GPBP1: variants seen among roughly 807,000 people sequenced by gnomAD.
GPBP1 encodes the protein GC-rich promoter binding protein 1, also known as vasculin.
In GPBP1, 13 loss-of-function variants were observed where a neutral mutation model predicts 56.5. The observed-to-expected ratio is 0.23, with a 90% CI of 0.15 to 0.37. The LOEUF is 0.37. Ranked by LOEUF, GPBP1 falls within the 10% of genes least tolerant of loss-of-function variation. The probability of loss-of-function intolerance (pLI) is 1.00; values close to 1 mark genes in which losing one functional copy is unlikely to be tolerated. For synonymous variants in GPBP1, 204 were observed against 188.9 expected (o/e 1.08, Z -0.66); for missense variants, 477 against 572.3 (o/e 0.83, Z 1.70).
At chr5:57,258,628 A>G (rs771611255) in intron 10 of GPBP1, among the ~76,000 whole-genome samples, 1 of 152,150 alleles carries the variant, frequency 6.6e-6, no homozygotes, top group African/African-American at 2.4e-5. Context: ...AAAGGGAAAC[A>G]CAGATTGTTT....
intron 10 of GPBP1, 69 bp from the exon 11 acceptor site, chr5:57,261,111 C>CA (rs747578160): frequency 2.1e-6 from 2 of 958,628 alleles, no homozygotes; most frequent in Admixed American, 1.9e-5. Flanking sequence ...TTTTCTTATA[C>CA]ATAATGTAAA....
chr5:57,247,826 C>T (rs1335078510), intron 8 of GPBP1, among the ~76,000 whole-genome samples: 1 of 152,108 alleles, frequency 6.6e-6, no homozygotes, highest in African/African-American at 2.4e-5. Flanking sequence ...TCACTGGTGC[C>T]TTGACCTCCT....
chr5:57,180,748 G>T (rs913072719), intron 2 of GPBP1, among the ~76,000 whole-genome samples: 24 of 152,054 alleles, frequency 1.6e-4, no homozygotes, highest in African/African-American at 5.6e-4. Flanking sequence ...TTTTTTTGGG[G>T]TTTTTTGTTT....
At chr5:57,238,050 A>G (rs754621611) in intron 6 of GPBP1, among the ~76,000 whole-genome samples, 5 of 152,104 alleles carry the variant, frequency 3.3e-5, no homozygotes, top group Non-Finnish European at 5.9e-5. Context: ...TGTGACTTCA[A>G]TAGTGTTTTT....
At chr5:57,184,626 AACATTGGGGATC>A (rs1302773894) in intron 2 of GPBP1, among the ~76,000 whole-genome samples, 1 of 152,240 alleles carries the variant, frequency 6.6e-6, no homozygotes, top group Non-Finnish European at 1.5e-5. Context: ...TGCCGCCTTC[AACATTGGGGATC>A]ACATTGGATA....
intron 2 of GPBP1, among the ~76,000 whole-genome samples, chr5:57,187,450 A>G (rs1754340618): frequency 6.6e-6 from 1 of 152,082 alleles, no homozygotes; most frequent in Non-Finnish European, 1.5e-5. Flanking sequence ...TTGCCTCAGG[A>G]AATGTTTGAG....
intron 2 of GPBP1, among the ~76,000 whole-genome samples, chr5:57,213,178 C>T (rs963306848): frequency 6.6e-6 from 1 of 152,048 alleles, no homozygotes. Flanking sequence ...CTCAGCCTCT[C>T]AAGTAGCTGG....
rs1419478441 is a variant in GPBP1 at position 57,249,529 on chromosome 5, A to C, written c.925A>C (p.Arg309=). 6.2e-7 allele frequency: 1 copy of C among 1,612,592 alleles called. No individual in the cohort carries two copies. Among genetic ancestry groups the C allele is most frequent in the South Asian group, 1.1e-5 (1 of 90,886 alleles). Residue 309 remains arginine, a synonymous_variant, in exon 9 of 12, where the codon AGA becomes CGA. Transcript: ENST00000506184. ...SEFLKALKRD[R]VEEEHEDESR... ...ATTTTTGAAAGCATTGAAAAGAGACAGAGTAGAAGAGGAACATGAAGATGA... is the reference window on the plus strand; with the variant it reads ...ATTTTTGAAAGCATTGAAAAGAGACCGAGTAGAAGAGGAACATGAAGATGA...
chr5:57,257,189 A>G (rs1015192981), intron 10 of GPBP1, among the ~76,000 whole-genome samples: 2 of 151,874 alleles, frequency 1.3e-5, no homozygotes, highest in East Asian at 3.9e-4. Context: ...CACCCGCCAC[A>G]ACACCTGGCT....
chr5:57,193,613 CAAAAAA>C (rs1194542329), intron 2 of GPBP1, among the ~76,000 whole-genome samples: 2 of 61,514 alleles, frequency 3.3e-5, no homozygotes, highest in South Asian at 5.3e-4. Flanking sequence ...GACCCTGTCT[CAAAAAA>C]AAAAAAAAAA....
chr5:57,204,100 T>G (rs1755129792), intron 2 of GPBP1, among the ~76,000 whole-genome samples: 1 of 152,046 alleles, frequency 6.6e-6, no homozygotes, highest in Non-Finnish European at 1.5e-5. Flanking sequence ...TCACTTAGCA[T>G]GCAGTAGATG....
chr5:57,179,432 C>G (rs1419802244), intron 2 of GPBP1, among the ~76,000 whole-genome samples: 3 of 152,132 alleles, frequency 2.0e-5, no homozygotes, highest in Non-Finnish European at 4.4e-5. Flanking sequence ...CAGGCAACCT[C>G]GAACTCCTGG....
chr5:57,250,466 T>C (rs2111940528), intron 9 of GPBP1, among the ~76,000 whole-genome samples: 1 of 152,242 alleles, frequency 6.6e-6, no homozygotes, highest in Admixed American at 6.5e-5. Flanking sequence ...ATACTTAGGG[T>C]AAGAAAGCTT....
chr5:57,182,867 G>A (rs1462695034), intron 2 of GPBP1, among the ~76,000 whole-genome samples: 1 of 152,010 alleles, frequency 6.6e-6, no homozygotes, highest in Non-Finnish European at 1.5e-5. Context: ...TTATTTTGTA[G>A]AGAGAGAGTC....
intron 3 of GPBP1, among the ~76,000 whole-genome samples, chr5:57,216,242 G>A (rs1755693349): frequency 6.6e-6 from 1 of 152,166 alleles, no homozygotes; most frequent in South Asian, 2.1e-4. Flanking sequence ...AATGTTGGCA[G>A]TCTGCCTCTC....
chr5:57,234,647 C>A (rs1043236311), intron 5 of GPBP1, among the ~76,000 whole-genome samples: 4 of 152,206 alleles, frequency 2.6e-5, no homozygotes, highest in Admixed American at 6.5e-5. Flanking sequence ...AGAGAAGTTT[C>A]TCCAGCTAAA....
chr5:57,207,990 A>G (rs1166479961), intron 2 of GPBP1, among the ~76,000 whole-genome samples: 1 of 151,930 alleles, frequency 6.6e-6, no homozygotes, highest in African/African-American at 2.4e-5. Context: ...TGAGGGTTTT[A>G]TAGGCACACG....
At chr5:57,228,606 G>T (rs186685176) in intron 3 of GPBP1, among the ~76,000 whole-genome samples, 144 of 151,730 alleles carry the variant, frequency 9.5e-4, no homozygotes, top group Middle Eastern at 3.4e-3. Context: ...CTGTCTCTAA[G>T]GGGGAAAAAG....
chr5:57,231,083 T>C lies in GPBP1; in HGVS notation c.188-15T>C, dbSNP rs761137588. The C allele has an allele frequency of 2.5e-6, 4 of 1,603,964 alleles. No individual in the cohort carries two copies. In the East Asian group the frequency reaches 6.7e-5, roughly 27 times the overall value. ...CTTCTTTGAATTTATATTACTTTGC[T>C]ATTATCAAATAAAGGTAACTTTGGA... On this transcript the variant is annotated splice_polypyrimidine_tract_variant and intron_variant, in intron 4 of 11. Coordinates refer to ENST00000506184, the MANE Select transcript of GPBP1 (RefSeq NM_022913.4).
Sources: allele counts gnomAD v4.1 joint callset (sites outside exome capture counted in the v4.1 genomes callset), GRCh38; gene constraint gnomAD v4.1.1; transcripts MANE v1.5; gene names NCBI Gene and HGNC (gene_info 2026-07-23, HGNC 2026-07-21).